The following SLC26A4 variants were observed in gnomAD, a reference collection of about 807,000 sequenced individuals.
SLC26A4 encodes pendrin.
Under a neutral mutation model 90.4 loss-of-function variants are expected in SLC26A4, and 93 were observed. That is an observed-to-expected ratio of 1.03 (90% CI 0.87 to 1.22). SLC26A4 has a LOEUF of 1.22. SLC26A4 is among the 50% of genes most tolerant of loss of function. SLC26A4 has a pLI of 0.00. For synonymous variants in SLC26A4, 393 were observed against 354.6 expected (o/e 1.11, Z -1.22); for missense variants, 1,127 against 946.2 (o/e 1.19, Z -2.51).
chr7:107,672,454 G>C (rs1263586314), intron 4 of SLC26A4, among the ~76,000 whole-genome samples: 2 of 150,696 alleles, frequency 1.3e-5, no homozygotes, highest in East Asian at 2.0e-4. Context: ...TCAGTGTTTT[G>C]CCTGCTTTTT....
rs1248603599 is a variant in SLC26A4 at position 107,681,100 on chromosome 7, C to T, written c.766-2102C>T. ...CCATTTTCTTTTTCACTCTGCTGTC[C>T]CTGGCATCATCTTGTTTCTGTCAGT... On this transcript the variant is annotated intron_variant, in intron 6 of 20. Coordinates refer to ENST00000644269, the MANE Select transcript of SLC26A4 (RefSeq NM_000441.2). 3.3e-5 allele frequency among the ~76,000 whole-genome samples: 5 copies of T among 152,018 alleles called. No individual in the cohort carries two copies. In the East Asian group the frequency reaches 9.6e-4, roughly 29 times the overall value.
chr7:107,665,619 T>C (rs925453481), intron 3 of SLC26A4, among the ~76,000 whole-genome samples: 1 of 152,200 alleles, frequency 6.6e-6, no homozygotes, highest in Non-Finnish European at 1.5e-5. Flanking sequence ...ATATAAAAAA[T>C]GGTGGTTCAT....
chr7:107,661,840 G>A lies in SLC26A4; in HGVS notation c.164+35G>A, dbSNP rs1247452827. On this transcript the variant is annotated intron_variant, in intron 2 of 20. Coordinates refer to ENST00000644269, the MANE Select transcript of SLC26A4 (RefSeq NM_000441.2). This position sits in a 1 kb window ranked among gnomAD's most constrained non-coding sequence, Gnocchi z 5.1. ...GCGCGGGCCTGCGTAGAGAGAAGCG[G>A]AGCGGGGCGTCCACGCCTTGGGGAG... 6 of 1,524,424 alleles carry A rather than the reference G, an allele frequency of 3.9e-6. No individual in the cohort carries two copies. The highest frequency in any genetic ancestry group is 5.3e-6 in the Non-Finnish European group (6 of 1,139,156). 94.4% of individuals were successfully genotyped at this position (1,524,424 alleles called of 1,614,324 possible).
intron 18 of SLC26A4, among the ~76,000 whole-genome samples, chr7:107,707,576 A>T (rs1171369425): frequency 6.6e-6 from 1 of 152,344 alleles, no homozygotes; most frequent in South Asian, 2.1e-4. Context: ...ATATTTGGAT[A>T]TTTCTGTGGC....
intron 6 of SLC26A4, among the ~76,000 whole-genome samples, chr7:107,682,074 G>A (rs1791249572): frequency 1.4e-5 from 2 of 138,770 alleles, no homozygotes; most frequent in Non-Finnish European, 3.0e-5. Flanking sequence ...GGAGTTCGAG[G>A]CCACTGTACT....
In SLC26A4 at chr7:107,715,538, T is replaced by G; in HGVS notation, c.*92T>G. 1 of 955,442 alleles carries G rather than the reference T, an allele frequency of 1.0e-6. No homozygotes were observed. The highest frequency in any genetic ancestry group is 2.4e-5 in the East Asian group (1 of 41,926). The allele number at this position is 955,442 out of a possible 1,614,324, so 59.2% of individuals were successfully genotyped here. ...TTCTTCAGACTCAAAACACTCATTCTTTTTTCTATTAAGCCATTGAAAGAG... is the reference window on the plus strand; with the variant it reads ...TTCTTCAGACTCAAAACACTCATTCGTTTTTCTATTAAGCCATTGAAAGAG... On this transcript the variant is annotated 3_prime_UTR_variant, in exon 21 of 21. Coordinates refer to ENST00000644269, the MANE Select transcript of SLC26A4 (RefSeq NM_000441.2).
At chr7:107,675,415 G>A (rs1433021928) in intron 6 of SLC26A4, among the ~76,000 whole-genome samples, 1 of 151,766 alleles carries the variant, frequency 6.6e-6, no homozygotes, top group Non-Finnish European at 1.5e-5. Context: ...GCTGAGGTGG[G>A]AAGATCTCCT....
chr7:107,670,185 C>G, intron 3 of SLC26A4, among the ~76,000 whole-genome samples: 1 of 150,904 alleles, frequency 6.6e-6, no homozygotes, highest in East Asian at 1.9e-4. Flanking sequence ...TCTCGGCTCA[C>G]TGAAACCTCC....
rs111033312 is a variant in SLC26A4 at position 107,698,112 on chromosome 7, G to C, written c.1614+1G>C. On this transcript the variant is annotated splice_donor_variant, in intron 14 of 20. Coordinates refer to ENST00000644269, the MANE Select transcript of SLC26A4 (RefSeq NM_000441.2). LOFTEE classifies it high-confidence loss of function. ...CAAAAGTACCAAGAATTACAAAAAC[G>C]TAAGTACCTTTGTGAGACATTTGCT... The C allele has an allele frequency of 1.3e-6, 2 of 1,591,322 alleles. No individual in the cohort carries two copies. Among genetic ancestry groups the C allele is most frequent in the Non-Finnish European group, 1.7e-6 (2 of 1,159,410 alleles).
chr7:107,703,490 G>C lies in SLC26A4; in HGVS notation c.2035-841G>C, dbSNP rs79430469. Reference sequence around the variant, plus strand: ...TGTTCTAGTTCTCTTAGCAGATTTTGTTATTAGCTCATTTGAAATCACTCT... The same window carrying C: ...TGTTCTAGTTCTCTTAGCAGATTTTCTTATTAGCTCATTTGAAATCACTCT... On this transcript the variant is annotated intron_variant, in intron 17 of 20. Transcript: ENST00000644269. Among the ~76,000 whole-genome samples the C allele has an allele frequency of 1.3e-3, 194 of 152,288 alleles. 3 individuals are homozygous for C. In the East Asian group the frequency reaches 0.034, roughly 26 times the overall value.
At position 107,661,838 on chromosome 7, in the gene SLC26A4, C is replaced by A. The variant is rs775021835; in HGVS notation, c.164+33C>A. On this transcript the variant is annotated intron_variant, in intron 2 of 20. Transcript: ENST00000644269. This position sits in a 1 kb window ranked among gnomAD's most constrained non-coding sequence, Gnocchi z 5.1. ...CCGCGCGGGCCTGCGTAGAGAGAAG[C>A]GGAGCGGGGCGTCCACGCCTTGGGG... is the stretch of plus-strand genomic sequence containing the variant. 6.6e-7 allele frequency: 1 copy of A among 1,524,212 alleles called. No homozygotes were observed. The highest frequency in any genetic ancestry group is 8.8e-7 in the Non-Finnish European group (1 of 1,138,940). The allele number at this position is 1,524,212 out of a possible 1,614,324, so 94.4% of individuals were successfully genotyped here.
rs1220319970 is a variant in SLC26A4, at chr7:107,661,624, T to A, written c.-3-15T>A. On this transcript the variant is annotated splice_polypyrimidine_tract_variant and intron_variant, in intron 1 of 20. Coordinates refer to ENST00000644269, the MANE Select transcript of SLC26A4 (RefSeq NM_000441.2). This position sits in a 1 kb window ranked among gnomAD's most constrained non-coding sequence, Gnocchi z 5.1. Reference sequence around the variant, plus strand: ...TACCGCGTGTCCTCCCTCCTCGCTGTCCTCTGGCTCGCAGGTCATGGCAGC... The same window carrying A: ...TACCGCGTGTCCTCCCTCCTCGCTGACCTCTGGCTCGCAGGTCATGGCAGC... 1.3e-6 allele frequency: 2 copies of A among 1,552,108 alleles called. No homozygotes were observed. Among genetic ancestry groups the A allele is most frequent in the African/African-American group, 2.7e-5 (2 of 73,764 alleles).
At chr7:107,711,667 A>G (rs973002235) in intron 19 of SLC26A4, among the ~76,000 whole-genome samples, 3 of 152,198 alleles carry the variant, frequency 2.0e-5, no homozygotes, top group African/African-American at 7.2e-5. Context: ...AAGTAGGTGA[A>G]TGATGATAAA....
At chr7:107,701,347 A>G (rs1324476373) in intron 16 of SLC26A4, 151 bp downstream of exon 16, 1 of 665,622 alleles carries the variant, frequency 1.5e-6, no homozygotes, top group African/African-American at 1.8e-5. Flanking sequence ...AGCTATTCTT[A>G]TAGGCAAGCG....
In SLC26A4 at chr7:107,674,228, C is replaced by T; in HGVS notation, c.480C>T (p.His160=). ...SVVLSMAPDE[H]FLVSSSNGTV... is the part of the protein sequence containing the mutation. ...TTCTGAGCATGGCCCCCGACGAACA[C>T]TTTCTCGTATCCAGCAGCAATGGAA... is the stretch of plus-strand genomic sequence containing the variant. Residue 160 remains histidine (H), a synonymous_variant, in exon 5 of 21, where the codon CAC becomes CAT. Transcript: ENST00000644269. 1 of 1,614,118 alleles carries T rather than the reference C, an allele frequency of 6.2e-7. No individual in the cohort carries two copies. Among genetic ancestry groups the T allele is most frequent in the Non-Finnish European group, 8.5e-7 (1 of 1,180,008 alleles).
intron 3 of SLC26A4, among the ~76,000 whole-genome samples, chr7:107,666,547 A>G (rs184761209): frequency 2.7e-3 from 416 of 152,268 alleles, no homozygotes; most frequent in Non-Finnish European, 4.7e-3. Flanking sequence ...TTTTAGATAT[A>G]ATGGTCAAGG....
At position 107,683,436 on chromosome 7, in the gene SLC26A4, A is replaced by G; in HGVS notation, c.919-19A>G. On this transcript the variant is annotated intron_variant, in intron 7 of 20. Transcript: ENST00000644269. ...TATTAAAACCAATGGAGTTTTTAAC[A>G]TCTTTTGTTTTATTTCAGACGATAA... 1 of 1,612,880 alleles carries G rather than the reference A, an allele frequency of 6.2e-7. No individual in the cohort carries two copies. The highest frequency in any genetic ancestry group is 8.5e-7 in the Non-Finnish European group (1 of 1,178,872).
chr7:107,665,707 A>G (rs975129679), intron 3 of SLC26A4, among the ~76,000 whole-genome samples: 2 of 152,220 alleles, frequency 1.3e-5, no homozygotes, highest in African/African-American at 4.8e-5. Context: ...ACACTATGCT[A>G]AGTAAGAATG....
intron 12 of SLC26A4, among the ~76,000 whole-genome samples, chr7:107,694,947 G>A (rs1791695352): frequency 6.6e-6 from 1 of 152,186 alleles, no homozygotes; most frequent in Non-Finnish European, 1.5e-5. Context: ...AATCCCATAT[G>A]AGGCTCATTC....
Sources: allele counts gnomAD v4.1 joint callset (sites outside exome capture counted in the v4.1 genomes callset), GRCh38; gene constraint gnomAD v4.1.1; non-coding constraint Gnocchi (gnomAD v3.1); transcripts MANE v1.5; gene names NCBI Gene and HGNC (gene_info 2026-07-23, HGNC 2026-07-21).